Variants in RIMS2 observed in about 807,000 individuals in gnomAD.
The protein encoded by RIMS2 is regulating synaptic membrane exocytosis 2.
RIMS2 carries 59 observed loss-of-function variants against 174.4 expected under a neutral mutation model. That is an observed-to-expected ratio of 0.34 (90% CI 0.27 to 0.42). RIMS2 has a LOEUF of 0.42. RIMS2 is among the 10% of genes least tolerant of loss of function. The probability of loss-of-function intolerance (pLI) is 1.00; values close to 1 mark genes in which losing one functional copy is unlikely to be tolerated. For synonymous variants in RIMS2, 606 were observed against 572.5 expected, an observed-to-expected ratio of 1.06 and a Z score of -0.84; for missense variants, 1,620 against 1,666.3, an observed-to-expected ratio of 0.97 and a Z score of 0.48.
chr8:103,758,951 A>G (rs2098070940), intron 2 of RIMS2, among the ~76,000 whole-genome samples: 1 of 152,194 alleles, frequency 6.6e-6, no homozygotes, highest in Middle Eastern at 3.2e-3. Context: ...GAAGCTCATT[A>G]CTTCAAGCTG....
chr8:103,615,967 A>G (rs1056439605), intron 1 of RIMS2, among the ~76,000 whole-genome samples: 1 of 152,170 alleles, frequency 6.6e-6, no homozygotes, highest in African/African-American at 2.4e-5. Flanking sequence ...TACCATTCCT[A>G]CAGAAACTAT....
chr8:103,515,716 CTG>C (rs1828659955), intron 1 of RIMS2, among the ~76,000 whole-genome samples: 1 of 152,030 alleles, frequency 6.6e-6, no homozygotes, highest in South Asian at 2.1e-4. Flanking sequence ...AGAATGAACT[CTG>C]ATTATAGAAC....
rs143464264 is a variant in RIMS2, at chr8:104,076,661, A to G, written c.3334+62046A>G. 2.8e-3 allele frequency among the ~76,000 whole-genome samples: 425 copies of G among 152,246 alleles called. 4 individuals carry two copies. Among genetic ancestry groups the G allele is most frequent in the Admixed American group, 0.014 (216 of 15,284 alleles). ...AAATAAAGACTACAGAGTAGTATTA[A>G]AAGTGTAGATTCCTTAACCAAACTG... On this transcript the variant is annotated intron_variant, in intron 19 of 23. Coordinates refer to ENST00000504942, the Ensembl canonical transcript of RIMS2.
At chr8:103,570,512 A>T (rs2092726225) in intron 1 of RIMS2, among the ~76,000 whole-genome samples, 1 of 152,092 alleles carries the variant, frequency 6.6e-6, no homozygotes, top group African/African-American at 2.4e-5. Context: ...TCCAGGAAAA[A>T]ATTTTTGCAG....
intron 17 of RIMS2, among the ~76,000 whole-genome samples, chr8:104,003,324 T>C (rs183740421): frequency 2.7e-4 from 41 of 152,090 alleles, no homozygotes; most frequent in African/African-American, 9.4e-4. Flanking sequence ...GTAATAAATA[T>C]CGTATTTTAG....
chr8:103,974,852 T>A (rs555592534), intron 15 of RIMS2, among the ~76,000 whole-genome samples: 25 of 152,150 alleles, frequency 1.6e-4, no homozygotes, highest in Non-Finnish European at 2.9e-4. Context: ...TCTCATTTTT[T>A]AAAAAAAGCA....
intron 2 of RIMS2, among the ~76,000 whole-genome samples, chr8:103,764,604 G>A (rs3110458): frequency 0.81 from 123,452 of 152,060 alleles, 50,597 homozygotes; most frequent in African/African-American, 0.92. Context: ...ACTGAGGCAT[G>A]TTCTTTTTAA....
intron 3 of RIMS2, among the ~76,000 whole-genome samples, chr8:103,868,662 A>G (rs1303091581): frequency 6.6e-6 from 1 of 152,080 alleles, no homozygotes; most frequent in Non-Finnish European, 1.5e-5. Context: ...AATTAAGTAA[A>G]AAGTTATGGT....
intron 2 of RIMS2, among the ~76,000 whole-genome samples, chr8:103,734,793 T>C (rs969210029): frequency 1.3e-5 from 2 of 152,118 alleles, no homozygotes; most frequent in Admixed American, 1.3e-4. Context: ...ATTTCTTTTT[T>C]GGTCAAGGGT....
chr8:104,080,847 T>A (rs2097403673), intron 19 of RIMS2, among the ~76,000 whole-genome samples: 1 of 152,062 alleles, frequency 6.6e-6, no homozygotes, highest in South Asian at 2.1e-4. Context: ...ATTGCATCAA[T>A]TTTGAAGATC....
Position 103,626,937 on chromosome 8 carries a change from G to A in RIMS2, c.177-70149G>A, listed in dbSNP as rs568869740. ...AATTACTGATGAGGGTCTATGTCCC[G>A]CTGTGCATGCATTGTCTTGATAAAC... On this transcript the variant is annotated intron_variant, in intron 1 of 23. Coordinates refer to ENST00000504942, the Ensembl canonical transcript of RIMS2. 3.3e-5 allele frequency among the ~76,000 whole-genome samples: 5 copies of A among 152,246 alleles called. No homozygotes were observed. In the East Asian group the frequency reaches 7.7e-4, roughly 23 times the overall value.
intron 3 of RIMS2, among the ~76,000 whole-genome samples, chr8:103,883,529 T>C (rs987270818): frequency 1.3e-5 from 2 of 151,858 alleles, no homozygotes; most frequent in African/African-American, 4.8e-5. Context: ...TGGTTTTATG[T>C]AACAATTGTA....
intron 19 of RIMS2, among the ~76,000 whole-genome samples, chr8:104,144,787 T>C (rs568371562): frequency 6.6e-6 from 1 of 152,186 alleles, no homozygotes. Flanking sequence ...CTCATGAATC[T>C]AGGCTTCTCA....
At chr8:103,743,572 T>C (rs2097780706) in intron 2 of RIMS2, among the ~76,000 whole-genome samples, 1 of 152,162 alleles carries the variant, frequency 6.6e-6, no homozygotes. Flanking sequence ...TATTTATTAC[T>C]TATGATTTTA....
At chr8:103,958,884 A>C (rs996795908) in intron 14 of RIMS2, among the ~76,000 whole-genome samples, 3 of 152,182 alleles carry the variant, frequency 2.0e-5, no homozygotes, top group Non-Finnish European at 2.9e-5. Context: ...AAGTCTGTGA[A>C]AGTCTGTTGC....
intron 3 of RIMS2, among the ~76,000 whole-genome samples, chr8:103,855,922 C>T (rs935981008): frequency 1.3e-5 from 2 of 151,888 alleles, no homozygotes; most frequent in Non-Finnish European, 2.9e-5. Flanking sequence ...TAGTTTTTTG[C>T]CTTGATGATC....
chr8:103,585,044 C>T (rs1213343787), intron 1 of RIMS2, among the ~76,000 whole-genome samples: 1 of 152,106 alleles, frequency 6.6e-6, no homozygotes, highest in Admixed American at 6.5e-5. Flanking sequence ...AAAAGATATT[C>T]CATGTCAATG....
Position 103,571,989 on chromosome 8 carries a change from C to T in RIMS2, c.176+70927C>T, listed in dbSNP as rs559777535. Among the ~76,000 whole-genome samples the T allele has an allele frequency of 3.3e-5, 5 of 152,250 alleles. No individual in the cohort carries two copies. In the South Asian group the frequency reaches 1.0e-3, roughly 32 times the overall value. ...AGTAATAGTGTGTCCAGCATTGGTT[C>T]CTTCCGGTGGGTTCTTGGTCTCTCT... On this transcript the variant is annotated intron_variant, in intron 1 of 23. Coordinates refer to ENST00000504942, the Ensembl canonical transcript of RIMS2.
At chr8:103,503,185 A>T (rs997980486) in intron 1 of RIMS2, among the ~76,000 whole-genome samples, 1 of 151,980 alleles carries the variant, frequency 6.6e-6, no homozygotes, top group African/African-American at 2.4e-5. Flanking sequence ...AAGGAGTCTT[A>T]CCTCAAAATG....
Sources: allele counts gnomAD v4.1 joint callset (sites outside exome capture counted in the v4.1 genomes callset), GRCh38; gene constraint gnomAD v4.1.1; transcripts MANE v1.5; gene names NCBI Gene and HGNC (gene_info 2026-07-23, HGNC 2026-07-21).